The following GRID1 variants were observed in gnomAD, a reference collection of about 807,000 sequenced individuals.
The protein encoded by GRID1 is glutamate receptor ionotropic, delta-1.
A neutral mutation model predicts 98.0 loss-of-function variants in GRID1; 28 were observed. The observed-to-expected ratio is 0.29, with a 90% CI of 0.21 to 0.39. The LOEUF (loss-of-function observed/expected upper bound fraction) is 0.39, where lower values mean the gene tolerates loss of function less well. Ranked by LOEUF, GRID1 falls within the 10% of genes least tolerant of loss-of-function variation. The pLI is 1.00. For synonymous variants in GRID1, 553 were observed against 538.5 expected (o/e 1.03, Z -0.37); for missense variants, 1,111 against 1,340.5 (o/e 0.83, Z 2.67).
chr10:85,695,842 T>C (rs1165416602), intron 12 of GRID1, among the ~76,000 whole-genome samples: 1 of 152,100 alleles, frequency 6.6e-6, no homozygotes, highest in Non-Finnish European at 1.5e-5. Flanking sequence ...ACCCAAGGAA[T>C]AGGGAGCACA....
chr10:85,743,493 C>A (rs769037139), intron 8 of GRID1, among the ~76,000 whole-genome samples: 27 of 151,764 alleles, frequency 1.8e-4, no homozygotes, highest in Non-Finnish European at 3.2e-4. Flanking sequence ...TACAGTGTTA[C>A]AATAAAAAAA....
chr10:85,667,817 G>T (rs1185979630), intron 12 of GRID1, among the ~76,000 whole-genome samples: 2 of 152,160 alleles, frequency 1.3e-5, no homozygotes, highest in Non-Finnish European at 2.9e-5. Flanking sequence ...CTGATAACTG[G>T]TCTAGTAGTA....
rs1321476815 is a variant in GRID1 at position 85,619,932 on chromosome 10, G to C, written c.2295C>G (p.Ile765Met). ...DCSVTVIGNS[I>M]SSKGYGIALQ... ...GGGCAATCCCGTAACCCTTGCTGCT[G>C]ATGCTGTTGCCGATGACAGTCACCG... Residue 765 changes from isoleucine to methionine, a missense_variant, in exon 14 of 16, where the codon ATC becomes ATG. Physicochemically the swap from Ile to Met is conservative, Grantham distance 10. This residue lies in a region of GRID1 where 762 missense variants were observed against 869.1 expected (regional missense o/e 0.88). Coordinates refer to ENST00000327946, the MANE Select transcript of GRID1 (RefSeq NM_017551.3). 3.7e-6 allele frequency: 6 copies of C among 1,614,168 alleles called. No individual in the cohort carries two copies. The highest frequency in any genetic ancestry group is 5.1e-6 in the Non-Finnish European group (6 of 1,179,974).
intron 12 of GRID1, among the ~76,000 whole-genome samples, chr10:85,688,612 G>A (rs1841296200): frequency 6.6e-6 from 1 of 152,208 alleles, no homozygotes; most frequent in Non-Finnish European, 1.5e-5. Context: ...AGACTTTGAG[G>A]CATATTTATG....
intron 5 of GRID1, among the ~76,000 whole-genome samples, chr10:85,899,682 C>A (rs1315519781): frequency 1.3e-5 from 2 of 152,182 alleles, no homozygotes; most frequent in Admixed American, 6.5e-5. Flanking sequence ...CTGAGGGCAA[C>A]CCCTCGGCTT....
chr10:86,266,334 C>T (rs1847102303), intron 2 of GRID1, among the ~76,000 whole-genome samples: 1 of 152,148 alleles, frequency 6.6e-6, no homozygotes, highest in Non-Finnish European at 1.5e-5. Context: ...CTGCAAACCT[C>T]CTCCCAGAGC....
intron 8 of GRID1, among the ~76,000 whole-genome samples, chr10:85,783,096 C>T (rs1383185348): frequency 6.6e-6 from 1 of 152,160 alleles, no homozygotes; most frequent in African/African-American, 2.4e-5. Flanking sequence ...ACCAAATGCA[C>T]CATCCCCAGA....
chr10:86,248,330 C>G (rs1385991338), intron 2 of GRID1, among the ~76,000 whole-genome samples: 1 of 152,140 alleles, frequency 6.6e-6, no homozygotes, highest in Non-Finnish European at 1.5e-5. Context: ...CCCACCTCAG[C>G]AGGTGGCCAT....
intron 4 of GRID1, among the ~76,000 whole-genome samples, chr10:86,029,517 G>A (rs1843157159): frequency 6.6e-6 from 1 of 152,118 alleles, no homozygotes; most frequent in Admixed American, 6.5e-5. Context: ...CCAAGTATAA[G>A]ACTAAAGTTT....
chr10:86,077,479 T>G (rs1843899152), intron 4 of GRID1, among the ~76,000 whole-genome samples: 1 of 152,202 alleles, frequency 6.6e-6, no homozygotes, highest in African/African-American at 2.4e-5. Context: ...CTTCCCACTT[T>G]GAGCTCGGTC....
At chr10:85,843,655 G>T (rs1051919950) in intron 8 of GRID1, among the ~76,000 whole-genome samples, 1 of 151,982 alleles carries the variant, frequency 6.6e-6, no homozygotes, top group African/African-American at 2.4e-5. Context: ...ACTGAAGAGG[G>T]TATCCAGATG....
chr10:85,926,477 G>A (rs900849401), intron 4 of GRID1, among the ~76,000 whole-genome samples: 2 of 152,194 alleles, frequency 1.3e-5, no homozygotes, highest in Non-Finnish European at 2.9e-5. Context: ...AAGCAGTTGG[G>A]TCCCAGACCT....
chr10:85,899,721 GA>G (rs1339986848), intron 5 of GRID1, among the ~76,000 whole-genome samples: 2 of 152,162 alleles, frequency 1.3e-5, no homozygotes, highest in African/African-American at 4.8e-5. Flanking sequence ...ACAGCAAGCA[GA>G]AACCTAAACA....
At chr10:86,275,869 T>C (rs1284583242) in intron 2 of GRID1, among the ~76,000 whole-genome samples, 2 of 152,094 alleles carry the variant, frequency 1.3e-5, no homozygotes, top group Non-Finnish European at 2.9e-5. Context: ...TTTGAAGAAA[T>C]AGTGGCTAAA....
chr10:85,688,052 G>A (rs1364067075), intron 12 of GRID1, among the ~76,000 whole-genome samples: 1 of 152,212 alleles, frequency 6.6e-6, no homozygotes, highest in Non-Finnish European at 1.5e-5. Flanking sequence ...ACAGAGGAGG[G>A]AGCACAGGTT....
At chr10:85,824,655 T>C (rs1042427806) in intron 8 of GRID1, among the ~76,000 whole-genome samples, 3 of 152,202 alleles carry the variant, frequency 2.0e-5, no homozygotes, top group Non-Finnish European at 2.9e-5. Context: ...GTAGTGTACA[T>C]TGTACCCAAT....
rs75617951 is a variant in GRID1 at position 86,231,137 on chromosome 10, C to A, written c.236-24489G>T. Reference sequence around the variant, plus strand: ...TGCCCAGCTAGGCTTCCAGAAGGGGCCTGTGATACACATTTTGCAAATGGC... The same window carrying A: ...TGCCCAGCTAGGCTTCCAGAAGGGGACTGTGATACACATTTTGCAAATGGC... On this transcript the variant is annotated intron_variant, in intron 2 of 15. Coordinates refer to ENST00000327946, the MANE Select transcript of GRID1 (RefSeq NM_017551.3). Among the ~76,000 whole-genome samples, 47 of 152,332 alleles carry A rather than the reference C, an allele frequency of 3.1e-4. No homozygotes were observed. In the East Asian group the frequency reaches 9.1e-3, roughly 29 times the overall value.
chr10:86,007,467 G>T (rs1343019633), intron 4 of GRID1, among the ~76,000 whole-genome samples: 2 of 152,200 alleles, frequency 1.3e-5, no homozygotes, highest in Non-Finnish European at 2.9e-5. Context: ...GCAGGAGAAT[G>T]GATGGGCTGA....
At chr10:86,320,966 G>C (rs1267040358) in intron 2 of GRID1, among the ~76,000 whole-genome samples, 3 of 152,036 alleles carry the variant, frequency 2.0e-5, no homozygotes, top group African/African-American at 7.2e-5. Flanking sequence ...TGGGCGTGGT[G>C]GTGGGCTCCT....
Sources: allele counts gnomAD v4.1 joint callset (sites outside exome capture counted in the v4.1 genomes callset), GRCh38; gene constraint gnomAD v4.1.1; regional missense constraint gnomAD v4.1.1; transcripts MANE v1.5; gene names NCBI Gene and HGNC (gene_info 2026-07-23, HGNC 2026-07-21).